The following MARCHF1 variants were observed in gnomAD, a reference collection of about 807,000 sequenced individuals.
The protein encoded by MARCHF1 is E3 ubiquitin-protein ligase MARCHF1.
A neutral mutation model predicts 54.2 loss-of-function variants in MARCHF1; 40 were observed. That is an observed-to-expected ratio of 0.74 (90% CI 0.57 to 0.96). The LOEUF (loss-of-function observed/expected upper bound fraction) is 0.96. MARCHF1 is among the 40% of genes least tolerant of loss of function. MARCHF1 has a pLI of 0.00. For synonymous variants in MARCHF1, 236 were observed against 236.3 expected, an observed-to-expected ratio of 1.00 and a Z score of 0.01; for missense variants, 586 against 656.5, an observed-to-expected ratio of 0.89 and a Z score of 1.17.
chr4:164,264,244 C>T (rs1378810096), intron 1 of MARCHF1, among the ~76,000 whole-genome samples: 3 of 152,040 alleles, frequency 2.0e-5, no homozygotes, highest in African/African-American at 7.2e-5. Context: ...GAACAGAAAA[C>T]CAAATACAGC....
intron 3 of MARCHF1, among the ~76,000 whole-genome samples, chr4:163,927,163 G>A (rs1003641744): frequency 1.3e-5 from 2 of 151,600 alleles, no homozygotes; most frequent in Non-Finnish European, 3.0e-5. Flanking sequence ...TCACACTTTT[G>A]ACATGTAAGA....
intron 3 of MARCHF1, among the ~76,000 whole-genome samples, chr4:163,910,738 CCACG>C (rs1480908366): frequency 1.3e-5 from 2 of 152,142 alleles, no homozygotes; most frequent in Admixed American, 1.3e-4. Flanking sequence ...CTCAGGTGAT[CCACG>C]CACCTTGACC....
intron 1 of MARCHF1, among the ~76,000 whole-genome samples, chr4:164,236,516 A>G (rs2111194680): frequency 6.6e-6 from 1 of 152,192 alleles, no homozygotes; most frequent in African/African-American, 2.4e-5. Flanking sequence ...CTAAAATGGG[A>G]AAAAACATGC....
intron 2 of MARCHF1, among the ~76,000 whole-genome samples, chr4:164,045,932 A>G (rs921642613): frequency 2.0e-5 from 3 of 152,222 alleles, no homozygotes; most frequent in Non-Finnish European, 2.9e-5. Flanking sequence ...TCTCAAGCAA[A>G]TAAGTTAGCC....
intron 2 of MARCHF1, among the ~76,000 whole-genome samples, chr4:164,081,709 T>TAC (rs145723294): frequency 3.4e-4 from 51 of 151,194 alleles, no homozygotes; most frequent in African/African-American, 7.3e-4. Flanking sequence ...TGCATGCATA[T>TAC]ACACACACAC....
chr4:163,902,463 T>C (rs374056448), intron 3 of MARCHF1, among the ~76,000 whole-genome samples: 14 of 152,182 alleles, frequency 9.2e-5, no homozygotes, highest in Admixed American at 2.0e-4. Context: ...TTTATACTTA[T>C]TGATGTTGGC....
At chr4:163,817,093 A>T (rs1748553721) in intron 4 of MARCHF1, among the ~76,000 whole-genome samples, 1 of 152,066 alleles carries the variant, frequency 6.6e-6, no homozygotes, top group Non-Finnish European at 1.5e-5. Context: ...ATTTTACATA[A>T]GTTGCATGAT....
rs559515154 is a variant in MARCHF1 at position 163,623,535 on chromosome 4, A to G, written c.163-10142T>C. 1.6e-4 allele frequency among the ~76,000 whole-genome samples: 25 copies of G among 152,246 alleles called. No individual in the cohort carries two copies. In the South Asian group the frequency reaches 2.5e-3, roughly 15 times the overall value. On this transcript the variant is annotated intron_variant, in intron 5 of 9. Coordinates refer to ENST00000514618, the MANE Select transcript of MARCHF1 (RefSeq NM_001394959.1). ...CGTTTCTTGCACAAGCCTAAATGGG[A>G]CGGCGTTAACACCTCTAGGGACAAC...
rs1209043615 is a variant in MARCHF1 at position 164,322,995 on chromosome 4, C to T, written c.-323+60875G>A. Among the ~76,000 whole-genome samples the T allele has an allele frequency of 3.9e-5, 6 of 151,970 alleles. 1 individual carries two copies. In the South Asian group the frequency reaches 1.2e-3, roughly 31 times the overall value. On this transcript the variant is annotated intron_variant, in intron 1 of 9. Transcript: ENST00000514618. ...AAAAAATAGAATAAATTATAAATGG[C>T]TGTCAAAGATACATAGAATTTCACT...
At chr4:164,344,757 G>A (rs1201089297) in intron 1 of MARCHF1, among the ~76,000 whole-genome samples, 1 of 152,020 alleles carries the variant, frequency 6.6e-6, no homozygotes, top group South Asian at 2.1e-4. Flanking sequence ...TAACCTCTCT[G>A]CCCATCCATC....
intron 1 of MARCHF1, among the ~76,000 whole-genome samples, chr4:164,294,563 C>A (rs972810047): frequency 1.3e-5 from 2 of 152,130 alleles, no homozygotes; most frequent in African/African-American, 4.8e-5. Context: ...CTCTTTCACT[C>A]GTTTACAACC....
intron 3 of MARCHF1, among the ~76,000 whole-genome samples, chr4:163,917,300 T>G (rs1448533414): frequency 6.6e-6 from 1 of 152,174 alleles, no homozygotes; most frequent in Non-Finnish European, 1.5e-5. Context: ...GAAGTACATT[T>G]GGTTTTCTAA....
intron 3 of MARCHF1, among the ~76,000 whole-genome samples, chr4:163,959,600 C>A (rs1243435606): frequency 6.6e-6 from 1 of 151,958 alleles, no homozygotes; most frequent in Non-Finnish European, 1.5e-5. Context: ...GTTAGGATAA[C>A]TGAGTAGCCA....
At position 164,117,962 on chromosome 4, in the gene MARCHF1, A is replaced by C. The variant is rs555206666; in HGVS notation, c.-322-6300T>G. 1.3e-3 allele frequency among the ~76,000 whole-genome samples: 195 copies of C among 152,194 alleles called. 1 individual carries two copies. The South Asian group carries it at 0.019, about 15-fold the overall frequency. On this transcript the variant is annotated intron_variant, in intron 1 of 9. Coordinates refer to ENST00000514618, the MANE Select transcript of MARCHF1 (RefSeq NM_001394959.1). ...TATTCAGAGGTAAATTAAAAAACACATGAGTGAGATCAGTGAAGTGATTTT... is the reference window on the plus strand; with the variant it reads ...TATTCAGAGGTAAATTAAAAAACACCTGAGTGAGATCAGTGAAGTGATTTT...
chr4:163,877,869 CT>C (rs1176362440), intron 3 of MARCHF1, among the ~76,000 whole-genome samples: 1 of 152,182 alleles, frequency 6.6e-6, no homozygotes, highest in Non-Finnish European at 1.5e-5. Context: ...CCTCCAATGA[CT>C]TGGTTACACT....
At chr4:163,978,172 A>G (rs2110858609) in intron 3 of MARCHF1, among the ~76,000 whole-genome samples, 1 of 152,340 alleles carries the variant, frequency 6.6e-6, no homozygotes, top group South Asian at 2.1e-4. Context: ...TGGTCTGTTT[A>G]AGTAGAGGTC....
intron 1 of MARCHF1, among the ~76,000 whole-genome samples, chr4:164,300,819 G>T (rs6829588): frequency 0.29 from 44,408 of 152,052 alleles, 11,166 homozygotes; most frequent in African/African-American, 0.68. Context: ...CTAGTTTGAA[G>T]GCAACAAGTA....
At chr4:164,081,236 A>AAAAAAAAAAAAAAT (rs1428928041) in intron 2 of MARCHF1, among the ~76,000 whole-genome samples, 1 of 147,302 alleles carries the variant, frequency 6.8e-6, no homozygotes, top group Non-Finnish European at 1.5e-5. Flanking sequence ...AAAAAAAAAA[A>AAAAAAAAAAAAAAT]AGAAATATTA....
chr4:163,611,729 T>C (rs1741348195), intron 7 of MARCHF1, among the ~76,000 whole-genome samples: 4 of 152,118 alleles, frequency 2.6e-5, no homozygotes, highest in African/African-American at 9.7e-5. Flanking sequence ...CCCCCTTCCC[T>C]ACAGGCTCTT....
Sources: gnomAD v4.1 joint callset for allele counts (sites outside exome capture counted in the v4.1 genomes callset) on GRCh38, gnomAD v4.1.1 for gene constraint, MANE v1.5 for transcripts, NCBI Gene and HGNC (gene_info 2026-07-23, HGNC 2026-07-21) for gene names.